CLEC2A: variants seen among roughly 807,000 people sequenced by gnomAD.
The protein encoded by CLEC2A is C-type lectin domain family 2 member A, also known as keratinocyte-associated C-type lectin.
A neutral mutation model predicts 18.6 loss-of-function variants in CLEC2A; 19 were observed. That is an observed-to-expected ratio of 1.02 (90% confidence interval 0.71 to 1.50). CLEC2A has a LOEUF of 1.50. CLEC2A is among the 40% of genes most tolerant of loss of function. CLEC2A has a pLI of 0.00. For missense variants in CLEC2A, 190 were observed against 207.9 expected (o/e 0.91, Z 0.53); for synonymous variants, 74 against 64.0 (o/e 1.16, Z -0.75).
intron 4 of CLEC2A, among the ~76,000 whole-genome samples, chr12:9,902,609 C>A (rs961749278): frequency 6.7e-6 from 1 of 150,284 alleles, no homozygotes; most frequent in African/African-American, 2.5e-5. Context: ...ACTGTGGAAG[C>A]TTTGTTCTTT....
At chr12:9,885,386 C>G in the CLEC2A span, among the ~76,000 whole-genome samples, 1 of 151,562 alleles carries the variant, frequency 6.6e-6, no homozygotes, top group Non-Finnish European at 1.5e-5. Context: ...GGTAGACTTC[C>G]AGACTTTTTT....
Position 9,916,686 on chromosome 12 carries a change from CATTGG to C in CLEC2A, c.410+9_410+13del, listed in dbSNP as rs1373580558. ...CACCAGAATAAGAACATTGCTAATA[CATTGG>C]AAACTCACCAACCATTGAATGTGGT... On this transcript the variant is annotated intron_variant, in intron 4 of 4. Transcript: ENST00000455827. The C allele has an allele frequency of 2.1e-6, 3 of 1,452,112 alleles. No individual in the cohort carries two copies. The African/African-American group carries it at 4.2e-5, about 20-fold the overall frequency. The allele number at this position is 1,452,112 out of a possible 1,614,324, so 90.0% of individuals were successfully genotyped here.
In CLEC2A at chr12:9,926,282, A is replaced by G. The variant is rs1863270449; in HGVS notation, c.117T>C (p.Thr39=). The part of the protein sequence containing the change: ...GLMCFLSIII[T]TVCIIMIATW... ...CACCTATCATAATAATGCAAACTGT[A>G]GTAATAATAATACTCAGGAAGCACA... Residue 39 remains threonine, a synonymous_variant, in exon 2 of 5, where the codon ACT becomes ACC. Transcript: ENST00000455827. The G allele has an allele frequency of 2.6e-6, 4 of 1,546,808 alleles. No individual in the cohort carries two copies. In the African/African-American group the frequency reaches 5.5e-5, roughly 21 times the overall value.
chr12:9,888,745 A>T, the CLEC2A span: 1 of 1,501,618 alleles, frequency 6.7e-7, no homozygotes, highest in Non-Finnish European at 9.0e-7. Context: ...AAAAAAATGG[A>T]TTTCTCCCAG....
downstream of CLEC2A, among the ~76,000 whole-genome samples, chr12:9,912,826 G>A (rs1181645168): frequency 6.6e-6 from 1 of 152,102 alleles, no homozygotes; most frequent in Non-Finnish European, 1.5e-5. Context: ...AGACTGGTGG[G>A]AGTTTCTCCC....
At chr12:9,923,026 GTGTTT>G (rs1863199865) in intron 2 of CLEC2A, among the ~76,000 whole-genome samples, 1 of 152,072 alleles carries the variant, frequency 6.6e-6, no homozygotes, top group South Asian at 2.1e-4. Context: ...TCTTTTTGTT[GTGTTT>G]TGTTTTGTTA....
chr12:9,902,622 C>T (rs1862848383), intron 4 of CLEC2A, among the ~76,000 whole-genome samples: 1 of 150,276 alleles, frequency 6.7e-6, no homozygotes, highest in East Asian at 2.0e-4. Context: ...TGTTCTTTCG[C>T]TCTTTGCAAT....
chr12:9,900,091 G>C (rs1380430824), intron 4 of CLEC2A, among the ~76,000 whole-genome samples: 1 of 152,196 alleles, frequency 6.6e-6, no homozygotes, highest in Non-Finnish European at 1.5e-5. Flanking sequence ...GCTAGGATTT[G>C]GGTGCATGCT....
intron 3 of CLEC2A, among the ~76,000 whole-genome samples, chr12:9,917,032 A>G (rs751394965): frequency 6.6e-6 from 1 of 152,154 alleles, no homozygotes; most frequent in Admixed American, 6.5e-5. Flanking sequence ...TTGGGCTACA[A>G]CCAAGTCATT....
chr12:9,909,375 T>C (rs1407695802), downstream of CLEC2A, among the ~76,000 whole-genome samples: 1 of 152,192 alleles, frequency 6.6e-6, no homozygotes, highest in Non-Finnish European at 1.5e-5. Context: ...CTGGGGGGTG[T>C]TCATGTTCTC....
At chr12:9,924,614 A>G (rs1404232422) in intron 2 of CLEC2A, among the ~76,000 whole-genome samples, 1 of 152,220 alleles carries the variant, frequency 6.6e-6, no homozygotes, top group Admixed American at 6.5e-5. Flanking sequence ...TCTTTTTCAC[A>G]AAATAAACCC....
Position 9,926,580 on chromosome 12 carries a change from G to C in CLEC2A, c.56-237C>G, listed in dbSNP as rs571842527. ...GTGAGTGGAGAAATCACTGAGTTTT[G>C]GGGGAATGAGGAAGGAAAGGAAAGG... On this transcript the variant is annotated intron_variant, in intron 1 of 4. Transcript: ENST00000455827. Among the ~76,000 whole-genome samples the C allele has an allele frequency of 3.7e-4, 56 of 152,192 alleles. 1 individual carries two copies. In the South Asian group the frequency reaches 0.011, roughly 30 times the overall value.
At chr12:9,883,802 T>C in the CLEC2A span, among the ~76,000 whole-genome samples, 3 of 152,206 alleles carry the variant, frequency 2.0e-5, no homozygotes, top group African/African-American at 7.2e-5. Context: ...ACTATAGATC[T>C]AATCAAATGC....
the CLEC2A span, chr12:9,893,383 AT>A: frequency 1.4e-5 from 14 of 1,020,054 alleles, no homozygotes; most frequent in South Asian, 2.0e-4. Context: ...AGGCATCAAA[AT>A]TTTTTTAAAC....
Position 9,924,091 on chromosome 12 carries a change from A to G in CLEC2A, c.140-1859T>C, listed in dbSNP as rs143290645. 8.4e-3 allele frequency among the ~76,000 whole-genome samples: 1,282 copies of G among 152,214 alleles called. 28 individuals carry two copies. Among genetic ancestry groups the G allele is most frequent in the African/African-American group, 0.03 (1,252 of 41,486 alleles). On this transcript the variant is annotated intron_variant, in intron 2 of 4. Transcript: ENST00000455827. ...TAACACAAACCTGCACATTGTGCACATGTACCCTAGAACTTAAAGTATAAT... is the reference window on the plus strand; with the variant it reads ...TAACACAAACCTGCACATTGTGCACGTGTACCCTAGAACTTAAAGTATAAT...
At chr12:9,886,167 T>G in the CLEC2A span, among the ~76,000 whole-genome samples, 1 of 152,188 alleles carries the variant, frequency 6.6e-6, no homozygotes, top group African/African-American at 2.4e-5. Context: ...AAAATATTTT[T>G]TTCTAGCCAT....
At chr12:9,883,261 C>A in the CLEC2A span, among the ~76,000 whole-genome samples, 4 of 152,168 alleles carry the variant, frequency 2.6e-5, no homozygotes, top group South Asian at 6.2e-4. Flanking sequence ...AAATATTTTC[C>A]TGAGTTCTCA....
intron 4 of CLEC2A, among the ~76,000 whole-genome samples, chr12:9,900,154 C>T (rs367753747): frequency 2.6e-5 from 4 of 152,256 alleles, no homozygotes; most frequent in East Asian, 1.9e-4. Flanking sequence ...AGAAACCTTC[C>T]GTTGATGGGC....
downstream of CLEC2A, among the ~76,000 whole-genome samples, chr12:9,911,249 G>A (rs1862981508): frequency 6.6e-6 from 1 of 152,180 alleles, no homozygotes; most frequent in Non-Finnish European, 1.5e-5. Context: ...GGAAAGGAAT[G>A]TAGAGTGAGG....
Sources: gnomAD v4.1 joint callset for allele counts (sites outside exome capture counted in the v4.1 genomes callset) on GRCh38, gnomAD v4.1.1 for gene constraint, MANE v1.5 for transcripts, NCBI Gene and HGNC (gene_info 2026-07-23, HGNC 2026-07-21) for gene names.